Variants in GRM4 observed in about 807,000 individuals in gnomAD.
GRM4 encodes glutamate metabotropic receptor 4.
A neutral mutation model predicts 81.7 loss-of-function variants in GRM4; 28 were observed. The observed-to-expected ratio is 0.34, with a 90% CI of 0.25 to 0.47. GRM4 has a LOEUF of 0.47. GRM4 is among the 20% of genes least tolerant of loss of function. The probability of loss-of-function intolerance (pLI) is 1.00; values close to 1 mark genes in which losing one functional copy is unlikely to be tolerated. For synonymous variants in GRM4, 488 were observed against 528.8 expected (o/e 0.92, Z 1.06); for missense variants, 948 against 1,290.0 (o/e 0.73, Z 4.06).
chr6:34,084,449 C>A (rs1180624051), intron 3 of GRM4, among the ~76,000 whole-genome samples: 1 of 152,116 alleles, frequency 6.6e-6, no homozygotes, highest in Non-Finnish European at 1.5e-5. Flanking sequence ...ACTCCACCCC[C>A]GCCTGCTCCA....
At chr6:34,120,498 A>T (rs1407980117) in intron 2 of GRM4, among the ~76,000 whole-genome samples, 2 of 152,156 alleles carry the variant, frequency 1.3e-5, no homozygotes, top group Non-Finnish European at 1.5e-5. Context: ...AAAACCACTT[A>T]AGGAATTTAA....
Position 34,114,631 on chromosome 6 carries a change from C to T in GRM4, c.519+18347G>A, listed in dbSNP as rs1202279036. Reference sequence around the variant, plus strand: ...GCCACATCCCTGTCACAGACAAGCCCAAGGTCCCACCGGTGCCCACCCTCT... The same window carrying T: ...GCCACATCCCTGTCACAGACAAGCCTAAGGTCCCACCGGTGCCCACCCTCT... On this transcript the variant is annotated intron_variant, in intron 2 of 10. Transcript: ENST00000538487. The surrounding 1 kb of genome is among the most constrained non-coding windows in gnomAD (Gnocchi z 4.3). 1.3e-5 allele frequency among the ~76,000 whole-genome samples: 2 copies of T among 152,092 alleles called. No homozygotes were observed. Among genetic ancestry groups the T allele is most frequent in the African/African-American group, 4.8e-5 (2 of 41,396 alleles).
At position 34,022,704 on chromosome 6, in the gene GRM4, A is replaced by G; in HGVS notation, c.*117T>C. On this transcript the variant is annotated 3_prime_UTR_variant, in exon 11 of 11. Transcript: ENST00000538487. The surrounding 1 kb of genome is among the most constrained non-coding windows in gnomAD (Gnocchi z 5.6). ...GCTCTGCTATCCTCAGCACCAAGCCACGTCCGTGGGTGCCCACGGGCAGGC... is the reference window on the plus strand; with the variant it reads ...GCTCTGCTATCCTCAGCACCAAGCCGCGTCCGTGGGTGCCCACGGGCAGGC... The G allele has an allele frequency of 2.5e-5, 22 of 887,978 alleles. No individual in the cohort carries two copies. The South Asian group carries it at 3.1e-4, about 12-fold the overall frequency. The allele number at this position is 887,978 out of a possible 1,614,324, so 55.0% of individuals were successfully genotyped here.
chr6:34,082,607 C>T (rs984459332), intron 3 of GRM4, among the ~76,000 whole-genome samples: 9 of 152,182 alleles, frequency 5.9e-5, no homozygotes, highest in South Asian at 2.1e-4. Context: ...GAACTCAGCC[C>T]GCCTCCCAGC....
In GRM4 at chr6:34,064,069, T is replaced by G. The variant is rs1360579057; in HGVS notation, c.737-2041A>C. Among the ~76,000 whole-genome samples the G allele has an allele frequency of 6.6e-6, 1 of 152,060 alleles. No homozygotes were observed. Among genetic ancestry groups the G allele is most frequent in the Non-Finnish European group, 1.5e-5 (1 of 68,012 alleles). ...TATCTTGCAAGCTTCGTTTTGCTGG[T>G]GAAGGAAGGATTAGGTGACCACGGC... is the stretch of plus-strand genomic sequence containing the variant. On this transcript the variant is annotated intron_variant, in intron 3 of 10. Coordinates refer to ENST00000538487, the MANE Select transcript of GRM4 (RefSeq NM_000841.4). This position sits in a 1 kb window ranked among gnomAD's most constrained non-coding sequence, Gnocchi z 4.4.
chr6:34,028,394 C>T lies in GRM4; in HGVS notation c.2443-28G>A, dbSNP rs113325351. ...GGCGGAGGGCACGGTGGCGTCAGAG[C>T]AGGCTCTGCCCCGACTGAGGGCCCT... is the stretch of plus-strand genomic sequence containing the variant. On this transcript the variant is annotated intron_variant, in intron 9 of 10. Coordinates refer to ENST00000538487, the MANE Select transcript of GRM4 (RefSeq NM_000841.4). The T allele has an allele frequency of 1.9e-6, 3 of 1,599,278 alleles. No individual in the cohort carries two copies. The South Asian group carries it at 3.3e-5, about 18-fold the overall frequency.
At chr6:34,108,775 G>A (rs1422564522) in intron 2 of GRM4, among the ~76,000 whole-genome samples, 1 of 152,100 alleles carries the variant, frequency 6.6e-6, no homozygotes, top group African/African-American at 2.4e-5. Context: ...CTGTATTGAG[G>A]ATCTGCTTCC....
At chr6:34,103,854 C>T in intron 2 of GRM4, 57 of 1,412,386 alleles carry the variant, frequency 4.0e-5, no homozygotes, top group Non-Finnish European at 5.1e-5. Context: ...TCAGGCACTG[C>T]GAGGGTCCCG....
At position 34,056,507 on chromosome 6, in the gene GRM4, T is replaced by G. The variant is rs759037474; in HGVS notation, c.1168+37A>C. On this transcript the variant is annotated intron_variant, in intron 6 of 10. Coordinates refer to ENST00000538487, the MANE Select transcript of GRM4 (RefSeq NM_000841.4). ...AGGCTCGGCCCTCCCCGGCTCCTCC[T>G]AGAGCCCGCCCGGCCCTGCCCGGCC... 3 of 1,587,376 alleles carry G rather than the reference T, an allele frequency of 1.9e-6. No individual in the cohort carries two copies. The South Asian group carries it at 3.4e-5, about 18-fold the overall frequency.
rs1766206019 is a variant in GRM4, at chr6:34,061,974, T to G, written c.791A>C (p.Glu264Ala). The G allele has an allele frequency of 1.2e-6, 2 of 1,613,860 alleles. No individual in the cohort carries two copies. Among genetic ancestry groups the G allele is most frequent in the Non-Finnish European group, 1.7e-6 (2 of 1,179,868 alleles). The stretch of plus-strand genomic sequence containing the variant: ...GAGGCGGCGGATGATCTTGTCGAAC[T>G]CGCCTGCCTTGGGCTCCCGTGGTAT... ...VKIPREPKAG[E>A]FDKIIRRLLE... is the part of the protein sequence containing the mutation. Residue 264 changes from glutamate to alanine, a missense_variant, in exon 4 of 11, where the codon GAG (glutamate) becomes GCG (alanine). Glu to Ala is a moderately radical substitution (Grantham distance 107). Coordinates refer to ENST00000538487, the MANE Select transcript of GRM4 (RefSeq NM_000841.4).
rs1346300492 is a variant in GRM4, at chr6:34,035,378, GGA to G, written c.2442+288_2442+289del. Among the ~76,000 whole-genome samples, 1 of 150,756 alleles carries G rather than the reference GGA, an allele frequency of 6.6e-6. No homozygotes were observed. The highest frequency in any genetic ancestry group is 2.4e-5 in the African/African-American group (1 of 40,862). On this transcript the variant is annotated intron_variant, in intron 9 of 10. Coordinates refer to ENST00000538487, the MANE Select transcript of GRM4 (RefSeq NM_000841.4). This position sits in a 1 kb window ranked among gnomAD's most constrained non-coding sequence, Gnocchi z 6.6. ...AGTGGGGCTGAAGGAGACAAAAGGAGGAGAGAAAAAAGGAGAGATGAGACAGA... is the reference window on the plus strand; with the variant it reads ...AGTGGGGCTGAAGGAGACAAAAGGAGGAGAAAAAAGGAGAGATGAGACAGA...
In GRM4 at chr6:34,040,556, T is replaced by C. The variant is rs771108424; in HGVS notation, c.1361A>G (p.Asn454Ser). 13 of 1,612,808 alleles carry C rather than the reference T, an allele frequency of 8.1e-6. No individual in the cohort carries two copies. Among genetic ancestry groups the C allele is most frequent in the African/African-American group, 2.7e-5 (2 of 74,886 alleles). ...TQLLKYIRNVNFSGIAGNPVT... is the reference protein window; with the variant it reads ...TQLLKYIRNVSFSGIAGNPVT... ...CCGCACCACACCCCCACCTGAGAAG[T>C]TGACGTTTCGGATGTACTTAAGCAG... Residue 454 changes from asparagine (N) to serine (S), a missense_variant, in exon 7 of 11, where the codon AAC becomes AGC. Transcript: ENST00000538487.
intron 2 of GRM4, among the ~76,000 whole-genome samples, chr6:34,103,093 C>A (rs1768925974): frequency 6.6e-6 from 1 of 152,226 alleles, no homozygotes; most frequent in Admixed American, 6.5e-5. Context: ...CCACTGACAC[C>A]CCAGGAAGCA....
In GRM4 at chr6:34,133,648, C is replaced by T. The variant is rs1301100401; in HGVS notation, c.-152G>A. ...GCGTAGCCCATGCTGCTACCCTCTC[C>T]CACCTCCTTGTCACTCGGGCCAAGC... On this transcript the variant is annotated 5_prime_UTR_variant, in exon 2 of 11. It introduces an in-frame stop codon into an upstream open reading frame of the 5' UTR. Transcript: ENST00000538487. This position sits in a 1 kb window ranked among gnomAD's most constrained non-coding sequence, Gnocchi z 6.5. The T allele has an allele frequency of 7.0e-6, 10 of 1,421,758 alleles. No individual in the cohort carries two copies. Among genetic ancestry groups the T allele is most frequent in the Non-Finnish European group, 8.2e-6 (9 of 1,093,814 alleles). 88.1% of individuals were successfully genotyped at this position (1,421,758 alleles called of 1,614,324 possible). A position where few individuals can be genotyped will look rare whatever the true frequency, so the allele number is the denominator to read the frequency against.
chr6:34,036,568 C>A lies in GRM4; in HGVS notation c.1542G>T (p.Gln514His). Residue 514 changes from glutamine (Q) to histidine (H), a missense_variant, in exon 9 of 11, where the codon CAG (glutamine) becomes CAT (histidine). By Grantham distance (24) the Gln-to-His change is conservative. Transcript: ENST00000538487. The surrounding 1 kb of genome is among the most constrained non-coding windows in gnomAD (Gnocchi z 9.0). ...GCAGGCTGCAGATGGAGCGGGGCAG[C>A]TGCTGCCCGCTCCCCGGCCAGTGCA... ...ERMHWPGSGQ[Q>H]LPRSICSLPC... 6.3e-7 allele frequency: 1 copy of A among 1,595,694 alleles called. No individual in the cohort carries two copies. Among genetic ancestry groups the A allele is most frequent in the South Asian group, 1.1e-5 (1 of 89,986 alleles).
intron 1 of GRM4, among the ~76,000 whole-genome samples, chr6:34,145,088 C>T (rs949546522): frequency 6.6e-5 from 10 of 152,056 alleles, no homozygotes; most frequent in Admixed American, 5.9e-4. Context: ...CACAACTCAC[C>T]GCGCGCCAGC....
chr6:34,139,656 G>A (rs768230322), intron 1 of GRM4, among the ~76,000 whole-genome samples: 7 of 152,152 alleles, frequency 4.6e-5, no homozygotes, highest in African/African-American at 9.7e-5. Flanking sequence ...TGTTCCCCAC[G>A]CCCAGTCCGA....
Position 34,028,383 on chromosome 6 carries a change from T to TGGCGTCAGAGCA in GRM4, c.2443-29_2443-18dup, listed in dbSNP as rs772150332. 1.2e-6 allele frequency: 2 copies of TGGCGTCAGAGCA among 1,604,774 alleles called. No homozygotes were observed. The highest frequency in any genetic ancestry group is 1.7e-6 in the Non-Finnish European group (2 of 1,178,636). ...GATGTACAGCTGGCGGAGGGCACGGTGGCGTCAGAGCAGGCTCTGCCCCGA... is the reference window on the plus strand; with the variant it reads ...GATGTACAGCTGGCGGAGGGCACGGTGGCGTCAGAGCAGGCGTCAGAGCAGGCTCTGCCCCGA... On this transcript the variant is annotated splice_polypyrimidine_tract_variant and intron_variant, in intron 9 of 10. Coordinates refer to ENST00000538487, the MANE Select transcript of GRM4 (RefSeq NM_000841.4).
chr6:34,040,581 G>A lies in GRM4; in HGVS notation c.1336C>T (p.Leu446=). 6.2e-7 allele frequency: 1 copy of A among 1,613,958 alleles called. No individual in the cohort carries two copies. The highest frequency in any genetic ancestry group is 8.5e-7 in the Non-Finnish European group (1 of 1,179,900). ...PRMDPVDGTQ[L]LKYIRNVNFS... is the part of the protein sequence containing the mutation. ...TTGACGTTTCGGATGTACTTAAGCAGCTGGGTGCCATCTACAGGGTCCATG... is the reference window on the plus strand; with the variant it reads ...TTGACGTTTCGGATGTACTTAAGCAACTGGGTGCCATCTACAGGGTCCATG... Residue 446 remains leucine, a synonymous_variant, in exon 7 of 11, where the codon CTG becomes TTG. Transcript: ENST00000538487.
Sources: gnomAD v4.1 joint callset for allele counts (sites outside exome capture counted in the v4.1 genomes callset) on GRCh38, gnomAD v4.1.1 for gene constraint, Gnocchi (gnomAD v3.1) non-coding constraint, MANE v1.5 for transcripts, NCBI Gene and HGNC (gene_info 2026-07-23, HGNC 2026-07-21) for gene names.